FUBP1: variants seen among roughly 807,000 people sequenced by gnomAD.
The protein encoded by FUBP1 is far upstream element-binding protein 1.
In FUBP1, 16 loss-of-function variants were observed where a neutral mutation model predicts 94.9. The observed-to-expected ratio is 0.17, with a 90% CI of 0.11 to 0.26. The LOEUF (loss-of-function observed/expected upper bound fraction) is 0.26, where lower values mean the gene tolerates loss of function less well. FUBP1 is among the 10% of genes least tolerant of loss of function. The probability of loss-of-function intolerance (pLI) is 1.00; values close to 1 mark genes in which losing one functional copy is unlikely to be tolerated. For synonymous variants in FUBP1, 279 were observed against 254.9 expected, an observed-to-expected ratio of 1.09 and a Z score of -0.90; for missense variants, 583 against 808.6, an observed-to-expected ratio of 0.72 and a Z score of 3.38.
chr1:77,952,366 T>C (rs531955655), intron 18 of FUBP1, among the ~76,000 whole-genome samples: 2 of 151,324 alleles, frequency 1.3e-5, no homozygotes, highest in East Asian at 1.9e-4. Context: ...CTGTTTTCAA[T>C]AGTTTTTTTT....
chr1:77,965,048 AT>A lies in FUBP1; in HGVS notation c.636+20del. ...GCATCAAAACAGATCAAAAGTAGCC[AT>A]TTCACAAAAATAACAATACCTGAAG... On this transcript the variant is annotated intron_variant, in intron 8 of 19. Coordinates refer to ENST00000370768, the MANE Select transcript of FUBP1 (RefSeq NM_003902.5). The A allele has an allele frequency of 6.2e-7, 1 of 1,606,650 alleles. No homozygotes were observed.
Position 77,947,946 on chromosome 1 carries a change from GTTC to G in FUBP1, c.*817_*819del, listed in dbSNP as rs923656391. Reference sequence around the variant, plus strand: ...GAGTTGCTTCACATGGAAAAAAACTGTTCTTATTAGACTACTCATATTCACTAT... The same window carrying G: ...GAGTTGCTTCACATGGAAAAAAACTGTTATTAGACTACTCATATTCACTAT... On this transcript the variant is annotated 3_prime_UTR_variant, in exon 20 of 20. Coordinates refer to ENST00000370768, the MANE Select transcript of FUBP1 (RefSeq NM_003902.5). 29 of 1,003,604 alleles carry G rather than the reference GTTC, an allele frequency of 2.9e-5. No individual in the cohort carries two copies. Among genetic ancestry groups the G allele is most frequent in the African/African-American group, 6.8e-5 (4 of 58,550 alleles). The allele number at this position is 1,003,604 out of a possible 1,614,324, so 62.2% of individuals were successfully genotyped here. A position where few individuals can be genotyped will look rare whatever the true frequency, so the allele number is the denominator to read the frequency against.
chr1:77,971,897 C>T (rs1657608663), intron 1 of FUBP1, among the ~76,000 whole-genome samples: 2 of 149,718 alleles, frequency 1.3e-5, no homozygotes, highest in African/African-American at 2.5e-5. Context: ...CCCAGCTACT[C>T]GGGAGGCTCA....
intron 6 of FUBP1, 47 bp from the exon 7 acceptor site, chr1:77,966,798 T>C (rs371103178): frequency 8.3e-6 from 11 of 1,331,242 alleles, no homozygotes; most frequent in African/African-American, 7.3e-5. Context: ...AGATTAAAAG[T>C]AGCATTATTG....
intron 1 of FUBP1, among the ~76,000 whole-genome samples, chr1:77,977,780 ACTC>A (rs1260311021): frequency 2.6e-5 from 4 of 152,098 alleles, no homozygotes; most frequent in Non-Finnish European, 5.9e-5. Context: ...TTTGTTGACT[ACTC>A]CTAGTATTTC....
intron 17 of FUBP1, 78 bp downstream of exon 17, chr1:77,956,494 G>C: frequency 1.3e-6 from 1 of 773,956 alleles, no homozygotes; most frequent in Non-Finnish European, 2.0e-6. Context: ...GAAATTTTAG[G>C]TATTATACAG....
intron 1 of FUBP1, among the ~76,000 whole-genome samples, chr1:77,971,224 T>G (rs1469959630): frequency 2.6e-5 from 4 of 152,226 alleles, no homozygotes; most frequent in Non-Finnish European, 5.9e-5. Context: ...AGCTCCACAC[T>G]GCAATGCTGT....
chr1:77,965,433 A>AT (rs1656289703), intron 7 of FUBP1, among the ~76,000 whole-genome samples: 1 of 152,214 alleles, frequency 6.6e-6, no homozygotes, highest in Admixed American at 6.5e-5. Flanking sequence ...ATGCAAAAAA[A>AT]TTTTCTAGAT....
At chr1:77,969,310 T>C (rs1657077448) in intron 2 of FUBP1, among the ~76,000 whole-genome samples, 1 of 152,000 alleles carries the variant, frequency 6.6e-6, no homozygotes, top group Non-Finnish European at 1.5e-5. Flanking sequence ...ATATCAAACC[T>C]AAAACAAAAA....
Position 77,972,004 on chromosome 1 carries a change from C to CAAAA in FUBP1, c.121-1993_121-1990dup, listed in dbSNP as rs60606700. ...TGGGCAACGGCATGAGACTCTGTCT[C>CAAAA]AAAAAAAAAAAAAAAAAAAAGGTAA... On this transcript the variant is annotated intron_variant, in intron 1 of 19. Coordinates refer to ENST00000370768, the MANE Select transcript of FUBP1 (RefSeq NM_003902.5). 1.1e-4 allele frequency among the ~76,000 whole-genome samples: 9 copies of CAAAA among 84,146 alleles called. 1 individual carries two copies. In the South Asian group the frequency reaches 3.2e-3, roughly 29 times the overall value. 55.2% of individuals were successfully genotyped at this position (84,146 alleles called of 152,430 possible).
chr1:77,964,342 T>C lies in FUBP1; in HGVS notation c.852A>G (p.Arg284=). 2 of 1,589,840 alleles carry C rather than the reference T, an allele frequency of 1.3e-6. No individual in the cohort carries two copies. Among genetic ancestry groups the C allele is most frequent in the Non-Finnish European group, 1.7e-6 (2 of 1,165,956 alleles). ...TTCCTATTACAATGCCAACAGCAAA[T>C]CTTGGAATGGGGACCTTATGTAAAA... ...GNEGIDVPIP[R]FAVGIVIGRN... is the part of the protein sequence containing the mutation. The change falls in exon 11 of 20, where the codon AGA becomes AGG. Residue 284 remains arginine (R), a synonymous_variant. Transcript: ENST00000370768.
chr1:77,945,475 A>G lies in FUBP1; in HGVS notation c.*3291T>C, dbSNP rs1197358628. The G allele has an allele frequency of 4.8e-6, 1 of 210,144 alleles. No individual in the cohort carries two copies. The highest frequency in any genetic ancestry group is 2.3e-5 in the African/African-American group (1 of 44,132). The allele number at this position is 210,144 out of a possible 1,614,324, so 13.0% of individuals were successfully genotyped here. ...CATATTATGTATGGGAATACATTTC[A>G]TATTTCTCAATTATGATTTGCCAAT... On this transcript the variant is annotated 3_prime_UTR_variant, in exon 20 of 20. Coordinates refer to ENST00000370768, the MANE Select transcript of FUBP1 (RefSeq NM_003902.5).
rs548529194 is a variant in FUBP1 at position 77,964,716 on chromosome 1, C to T, written c.767G>A (p.Arg256His). The change falls in exon 10 of 20, where the codon CGT (arginine) becomes CAT (histidine). Residue 256 changes from arginine (R) to histidine (H), a missense_variant. By Grantham distance (29) the Arg-to-His change is conservative (BLOSUM62 0). Coordinates refer to ENST00000370768, the MANE Select transcript of FUBP1 (RefSeq NM_003902.5). ...AACTTCTCTGAAACCGCCTTGATCA[C>T]GAATTAACTCTAACACCATTTCCTT... ...QAKEMVLELI[R>H]DQGGFREVRN... 14 of 1,612,926 alleles carry T rather than the reference C, an allele frequency of 8.7e-6. No homozygotes were observed. The highest frequency in any genetic ancestry group is 4.5e-5 in the East Asian group (2 of 44,876).
chr1:77,964,299 T>C lies in FUBP1; in HGVS notation c.895A>G (p.Lys299Glu). The C allele has an allele frequency of 6.2e-7, 1 of 1,609,408 alleles. No individual in the cohort carries two copies. Residue 299 changes from lysine (K) to glutamate (E), a missense_variant, in exon 11 of 20, where the codon AAA becomes GAA. Physicochemically the swap from Lys to Glu is moderately conservative, Grantham distance 56 (BLOSUM62 1). Transcript: ENST00000370768. Reference sequence around the variant, plus strand: ...ACACCAGCATCATTTTGTATTTTTTTGATCATCTCTCCATTTCTTCCTATT... The same window carrying C: ...ACACCAGCATCATTTTGTATTTTTTCGATCATCTCTCCATTTCTTCCTATT... ...IVIGRNGEMI[K>E]KIQNDAGVRI...
intron 1 of FUBP1, among the ~76,000 whole-genome samples, chr1:77,974,348 G>A (rs1361253809): frequency 7.9e-5 from 12 of 151,992 alleles, no homozygotes; most frequent in Admixed American, 3.3e-4. Context: ...TAGCCAGGAC[G>A]GTCTCAATCT....
intron 16 of FUBP1, 22 bp from the exon 17 acceptor site, chr1:77,956,722 G>C (rs752149188): frequency 1.9e-6 from 3 of 1,599,658 alleles, no homozygotes; most frequent in South Asian, 1.1e-5. Flanking sequence ...GAAAGTTCAA[G>C]GTTTGCATGT....
intron 18 of FUBP1, among the ~76,000 whole-genome samples, chr1:77,949,737 G>C (rs112751121): frequency 0.024 from 3,590 of 152,178 alleles, 47 homozygotes; most frequent in Middle Eastern, 0.065. Flanking sequence ...TTCGATTCCA[G>C]AATTACAAAA....
intron 18 of FUBP1, among the ~76,000 whole-genome samples, chr1:77,954,498 T>C (rs956717533): frequency 4.6e-5 from 7 of 152,216 alleles, no homozygotes; most frequent in African/African-American, 1.7e-4. Flanking sequence ...TATGTAATTT[T>C]ACATCTAGAA....
chr1:77,952,238 C>CA (rs1381348230), intron 18 of FUBP1, among the ~76,000 whole-genome samples: 3 of 150,700 alleles, frequency 2.0e-5, no homozygotes, highest in African/African-American at 7.3e-5. Flanking sequence ...GGCTCCATCT[C>CA]AAAAAAATAA....
Sources: gnomAD v4.1 joint callset for allele counts (sites outside exome capture counted in the v4.1 genomes callset) on GRCh38, gnomAD v4.1.1 for gene constraint, MANE v1.5 for transcripts, NCBI Gene and HGNC (gene_info 2026-07-23, HGNC 2026-07-21) for gene names.